The following MAP6 variants were observed in gnomAD, a reference collection of about 807,000 sequenced individuals.
MAP6 encodes microtubule associated protein 6, also known as microtubule-associated protein 6.
A neutral mutation model predicts 42.4 loss-of-function variants in MAP6; 26 were observed. That is an observed-to-expected ratio of 0.61 (90% CI 0.45 to 0.85). The LOEUF (loss-of-function observed/expected upper bound fraction) is 0.85. Ranked by LOEUF, MAP6 falls within the 40% of genes least tolerant of loss-of-function variation. The pLI, the probability that MAP6 is intolerant of heterozygous loss-of-function variation, is 0.00. For synonymous variants in MAP6, 418 were observed against 443.8 expected (o/e 0.94, Z 0.73); for missense variants, 966 against 1,099.0 (o/e 0.88, Z 1.71).
chr11:75,664,262 A>G (rs1173962428), intron 1 of MAP6, among the ~76,000 whole-genome samples: 9 of 152,270 alleles, frequency 5.9e-5, no homozygotes, highest in Non-Finnish European at 4.4e-5. Context: ...TATCCTGGAT[A>G]CTACTTGAAT....
chr11:75,600,856 GA>G (rs1458181536), intron 3 of MAP6, among the ~76,000 whole-genome samples: 2 of 152,202 alleles, frequency 1.3e-5, no homozygotes, highest in African/African-American at 4.8e-5. Flanking sequence ...AAACCCTAGT[GA>G]AACAAAAGAG....
At position 75,608,247 on chromosome 11, in the gene MAP6, AT is replaced by A. The variant is rs1942818812; in HGVS notation, c.980del (p.Asp327ValfsTer104). 1 of 1,614,170 alleles carries A rather than the reference AT, an allele frequency of 6.2e-7. No homozygotes were observed. The highest frequency in any genetic ancestry group is 8.5e-7 in the Non-Finnish European group (1 of 1,180,022). On this transcript the variant is annotated frameshift_variant, in exon 2 of 4. Coordinates refer to ENST00000304771, the MANE Select transcript of MAP6 (RefSeq NM_033063.2). LOFTEE classifies it high-confidence loss of function. ...AGCTGGTCTCATGAACCATCTTATC[AT>A]CTGGGGGCTTGTACTGGGGCTTGGC... ...IKAKPQYKPP[D>X]DKMVHETSYS...
At chr11:75,610,576 C>T (rs574784076) in intron 1 of MAP6, among the ~76,000 whole-genome samples, 1 of 152,350 alleles carries the variant, frequency 6.6e-6, no homozygotes, top group South Asian at 2.1e-4. Flanking sequence ...GTTAAGGGGA[C>T]AGTCTCCACT....
At chr11:75,643,116 T>C (rs1398693304) in intron 1 of MAP6, among the ~76,000 whole-genome samples, 1 of 152,012 alleles carries the variant, frequency 6.6e-6, no homozygotes, top group Non-Finnish European at 1.5e-5. Flanking sequence ...TAGTAATAGG[T>C]ATTTGGAATT....
At chr11:75,592,593 T>C (rs963979436) in intron 3 of MAP6, among the ~76,000 whole-genome samples, 10 of 151,780 alleles carry the variant, frequency 6.6e-5, no homozygotes, top group Non-Finnish European at 1.2e-4. Context: ...CCACCTGCTA[T>C]GCCATCATCT....
chr11:75,642,734 C>T, intron 1 of MAP6: 1 of 276,776 alleles, frequency 3.6e-6, no homozygotes, highest in South Asian at 4.0e-5. Flanking sequence ...CCAGCCACAA[C>T]AGAAAGTATA....
chr11:75,612,916 T>G (rs1399890255), intron 1 of MAP6, among the ~76,000 whole-genome samples: 1 of 152,216 alleles, frequency 6.6e-6, no homozygotes, highest in Admixed American at 6.5e-5. Context: ...GGCAGTTTCA[T>G]GCCATTCTTC....
At chr11:75,617,509 G>A (rs1220829742) in intron 1 of MAP6, among the ~76,000 whole-genome samples, 2 of 83,762 alleles carry the variant, frequency 2.4e-5, no homozygotes, top group Non-Finnish European at 3.9e-5. Flanking sequence ...GAGCAAGACT[G>A]TCTCCAAAAA....
chr11:75,610,815 G>GGGGGCATCTGGGGAGACTCC (rs1942883554), intron 1 of MAP6, among the ~76,000 whole-genome samples: 2 of 152,126 alleles, frequency 1.3e-5, no homozygotes, highest in Non-Finnish European at 2.9e-5. Context: ...GTGAGGTCAA[G>GGGGGCATCTGGGGAGACTCC]GGGGCATCTG....
chr11:75,623,961 C>G (rs1016560836), intron 1 of MAP6, among the ~76,000 whole-genome samples: 5 of 152,228 alleles, frequency 3.3e-5, no homozygotes, highest in Non-Finnish European at 7.3e-5. Context: ...ACTGTCTCAC[C>G]TGCGGTGGCC....
chr11:75,630,627 C>T (rs1943270717), intron 1 of MAP6, among the ~76,000 whole-genome samples: 1 of 152,176 alleles, frequency 6.6e-6, no homozygotes, highest in Non-Finnish European at 1.5e-5. Context: ...ACCTACTAGT[C>T]ACTCCTAAAA....
chr11:75,604,174 TC>T (rs1449669289), intron 3 of MAP6: 1 of 985,760 alleles, frequency 1.0e-6, no homozygotes, highest in African/African-American at 1.7e-5. Flanking sequence ...ATCAACAACT[TC>T]GTTTCTGATA....
At chr11:75,624,888 G>A (rs971647368) in intron 1 of MAP6, among the ~76,000 whole-genome samples, 2 of 152,126 alleles carry the variant, frequency 1.3e-5, no homozygotes, top group African/African-American at 2.4e-5. Flanking sequence ...GTTTCATGCC[G>A]CTGGGCCTCT....
intron 1 of MAP6, among the ~76,000 whole-genome samples, chr11:75,616,524 G>A (rs1942996706): frequency 6.6e-6 from 1 of 152,204 alleles, no homozygotes; most frequent in African/African-American, 2.4e-5. Flanking sequence ...CACTCTGATG[G>A]AGGCAGTCAC....
At chr11:75,660,967 C>A (rs1943833421) in intron 1 of MAP6, among the ~76,000 whole-genome samples, 1 of 150,194 alleles carries the variant, frequency 6.7e-6, no homozygotes, top group Non-Finnish European at 1.5e-5. Context: ...CAAGACTAAT[C>A]CTGAAAAAAA....
chr11:75,646,546 T>G (rs1435340893), intron 1 of MAP6, among the ~76,000 whole-genome samples: 1 of 143,990 alleles, frequency 6.9e-6, no homozygotes, highest in African/African-American at 2.6e-5. Context: ...AGCTAATGCC[T>G]GTAATCTCAG....
At chr11:75,651,648 G>A (rs1314639999) in intron 1 of MAP6, among the ~76,000 whole-genome samples, 4 of 152,186 alleles carry the variant, frequency 2.6e-5, no homozygotes, top group African/African-American at 7.2e-5. Flanking sequence ...GTTGCTATGA[G>A]AGATTGGCTG....
At chr11:75,650,838 T>C (rs758362756) in intron 1 of MAP6, among the ~76,000 whole-genome samples, 3 of 152,212 alleles carry the variant, frequency 2.0e-5, no homozygotes, top group Admixed American at 2.0e-4. Flanking sequence ...CATTGCACCA[T>C]GGCTACCAGA....
At chr11:75,662,702 C>T (rs887822128) in intron 1 of MAP6, among the ~76,000 whole-genome samples, 27 of 152,200 alleles carry the variant, frequency 1.8e-4, no homozygotes, top group Admixed American at 1.0e-3. Flanking sequence ...TAGATCATAA[C>T]GTGAGTTGCA....
Sources: allele counts gnomAD v4.1 joint callset (sites outside exome capture counted in the v4.1 genomes callset), GRCh38; gene constraint gnomAD v4.1.1; transcripts MANE v1.5; gene names NCBI Gene and HGNC (gene_info 2026-07-23, HGNC 2026-07-21).